The following TUSC3 variants were observed in gnomAD, a reference collection of about 807,000 sequenced individuals.
TUSC3 encodes the protein tumor suppressor candidate 3.
A neutral mutation model predicts 44.8 loss-of-function variants in TUSC3; 45 were observed. The ratio of observed to expected loss-of-function variants is 1.00; its 90% confidence interval spans 0.79 to 1.29. The LOEUF is 1.29. Among genes scored for constraint, TUSC3 ranks in the 50% most tolerant of loss-of-function variants. TUSC3 has a pLI of 0.00. For missense variants in TUSC3, 519 were observed against 437.9 expected (o/e 1.19, Z -1.65); for synonymous variants, 212 against 152.9 (o/e 1.39, Z -2.85).
chr8:15,790,534 A>C, the TUSC3 span, among the ~76,000 whole-genome samples: 5 of 152,010 alleles, frequency 3.3e-5, no homozygotes, highest in African/African-American at 1.2e-4. Flanking sequence ...GTCTTGTACT[A>C]ATGGGCATTG....
rs1219151280 is a variant in TUSC3, at chr8:15,540,350, G to A, written c.-81G>A. 4.3e-6 allele frequency: 6 copies of A among 1,397,432 alleles called. No homozygotes were observed. The Admixed American group carries it at 1.3e-4, about 29-fold the overall frequency. The allele number at this position is 1,397,432 out of a possible 1,614,324, so 86.6% of individuals were successfully genotyped here. A position where few individuals can be genotyped will look rare whatever the true frequency, so the allele number is the denominator to read the frequency against. On this transcript the variant is annotated 5_prime_UTR_variant, in exon 1 of 11. Transcript: ENST00000503731. ...AGGGCCCAGCCAGCGGGCTCCCGGAGGCTGGCCGGGCAGGCGTGGTGCGCG... is the reference window on the plus strand; with the variant it reads ...AGGGCCCAGCCAGCGGGCTCCCGGAAGCTGGCCGGGCAGGCGTGGTGCGCG...
chr8:15,612,937 A>G (rs1272952211), intron 1 of TUSC3, among the ~76,000 whole-genome samples: 1 of 152,006 alleles, frequency 6.6e-6, no homozygotes, highest in Non-Finnish European at 1.5e-5. Flanking sequence ...TAAAGGAGCC[A>G]CAATATCAGT....
rs552461359 is a variant in TUSC3, at chr8:15,584,833, T to C, written c.139-38247T>C. 5.3e-5 allele frequency among the ~76,000 whole-genome samples: 8 copies of C among 152,232 alleles called. No homozygotes were observed. The South Asian group carries it at 1.7e-3, about 32-fold the overall frequency. Reference sequence around the variant, plus strand: ...GTGGGATCTTTTATATGTACAGGGTTCTATTGGGATTTATGAAGTGAGTCT... The same window carrying C: ...GTGGGATCTTTTATATGTACAGGGTCCTATTGGGATTTATGAAGTGAGTCT... On this transcript the variant is annotated intron_variant, in intron 1 of 10. Coordinates refer to ENST00000503731, the MANE Select transcript of TUSC3 (RefSeq NM_006765.4).
intron 1 of TUSC3, among the ~76,000 whole-genome samples, chr8:15,457,843 A>G (rs992084696): frequency 2.5e-5 from 1 of 39,786 alleles, no homozygotes. Flanking sequence ...AAATTAGATT[A>G]ATTATCTAAT....
chr8:15,541,149 T>A (rs1585083410), intron 1 of TUSC3, among the ~76,000 whole-genome samples: 1 of 152,254 alleles, frequency 6.6e-6, no homozygotes, highest in Non-Finnish European at 1.5e-5. Context: ...TTACTTTACG[T>A]TGAACTCAGT....
the TUSC3 span, among the ~76,000 whole-genome samples, chr8:15,810,589 G>T: frequency 6.6e-6 from 1 of 152,020 alleles, no homozygotes; most frequent in Non-Finnish European, 1.5e-5. Context: ...AATGAGCCAT[G>T]ATGGCACTAC....
At chr8:15,735,191 G>A (rs1365949491) in intron 7 of TUSC3, among the ~76,000 whole-genome samples, 9 of 152,212 alleles carry the variant, frequency 5.9e-5, no homozygotes, top group African/African-American at 1.9e-4. Context: ...AGCAGGAGTC[G>A]CTGGCAGTCG....
intron 6 of TUSC3, among the ~76,000 whole-genome samples, chr8:15,699,034 GA>G (rs924274124): frequency 3.3e-5 from 5 of 151,960 alleles, no homozygotes; most frequent in Non-Finnish European, 7.4e-5. Flanking sequence ...TTTTTGTAGA[GA>G]CAGGGTCTTG....
At chr8:15,694,466 T>TTGGGGAAC (rs1809068829) in intron 6 of TUSC3, among the ~76,000 whole-genome samples, 2 of 148,612 alleles carry the variant, frequency 1.3e-5, no homozygotes, top group Non-Finnish European at 3.0e-5. Context: ...AAAAAGATTG[T>TTGGGGAAC]TGGGGAACTA....
intron 1 of TUSC3, among the ~76,000 whole-genome samples, chr8:15,450,006 C>T (rs554649440): frequency 6.6e-6 from 1 of 152,130 alleles, no homozygotes; most frequent in South Asian, 2.1e-4. Flanking sequence ...GGCTATCCCT[C>T]TAGGTTTTTC....
chr8:15,718,813 T>C (rs1810172190), intron 6 of TUSC3, among the ~76,000 whole-genome samples: 1 of 152,098 alleles, frequency 6.6e-6, no homozygotes, highest in Non-Finnish European at 1.5e-5. Flanking sequence ...TTACTGTGAA[T>C]TTGGACATTA....
rs145696038 is a variant in TUSC3, at chr8:15,679,770, A to G, written c.798+5934A>G. ...TCCATCTTGAGTTAATTTTGTATAT[A>G]TGGAAAGCTAGGGATCGAGTTTCAT... On this transcript the variant is annotated intron_variant, in intron 6 of 10. Coordinates refer to ENST00000503731, the MANE Select transcript of TUSC3 (RefSeq NM_006765.4). 3.9e-5 allele frequency among the ~76,000 whole-genome samples: 6 copies of G among 152,244 alleles called. No homozygotes were observed. In the South Asian group the frequency reaches 6.2e-4, roughly 16 times the overall value.
chr8:15,442,060 C>T (rs1185964697), intron 1 of TUSC3, among the ~76,000 whole-genome samples: 2 of 152,056 alleles, frequency 1.3e-5, no homozygotes, highest in African/African-American at 4.8e-5. Context: ...TTTTAAATGG[C>T]TTTCAGAAAA....
chr8:15,843,718 TG>T, the TUSC3 span, among the ~76,000 whole-genome samples: 51 of 151,656 alleles, frequency 3.4e-4, no homozygotes, highest in African/African-American at 1.2e-3. Flanking sequence ...AAGATGTATA[TG>T]TATGTGTGTG....
In TUSC3 at chr8:15,548,174, C is replaced by T. The variant is rs752719917; in HGVS notation, c.138+7606C>T. 1.3e-4 allele frequency among the ~76,000 whole-genome samples: 19 copies of T among 151,384 alleles called. 1 individual carries two copies. Among genetic ancestry groups the T allele is most frequent in the Admixed American group, 2.6e-4 (4 of 15,122 alleles). On this transcript the variant is annotated intron_variant, in intron 1 of 10. Transcript: ENST00000503731. ...TGGTAATTTGTTATAGCAGCCCAAA[C>T]GAACGAAGACAATTGTATATAATTT...
chr8:15,642,561 G>T (rs114308769), intron 2 of TUSC3, among the ~76,000 whole-genome samples: 1 of 152,036 alleles, frequency 6.6e-6, no homozygotes, highest in Non-Finnish European at 1.5e-5. Context: ...TTACAATAAA[G>T]GTCTTTAAAG....
chr8:15,503,229 G>T (rs936688966), intron 2 of TUSC3, among the ~76,000 whole-genome samples: 28 of 152,190 alleles, frequency 1.8e-4, no homozygotes, highest in African/African-American at 6.0e-4. Context: ...AGGAAAGACA[G>T]TGGGAAGACA....
At chr8:15,547,526 A>C (rs2129135120) in intron 1 of TUSC3, among the ~76,000 whole-genome samples, 1 of 151,882 alleles carries the variant, frequency 6.6e-6, no homozygotes, top group Admixed American at 6.6e-5. Flanking sequence ...AAATTATATC[A>C]GGAAAATAAA....
chr8:15,836,407 G>A, the TUSC3 span, among the ~76,000 whole-genome samples: 2 of 151,392 alleles, frequency 1.3e-5, no homozygotes, highest in South Asian at 2.1e-4. Context: ...AATCTGGGAG[G>A]TGGAGGTTGC....
Sources: allele counts gnomAD v4.1 joint callset (sites outside exome capture counted in the v4.1 genomes callset), GRCh38; gene constraint gnomAD v4.1.1; transcripts MANE v1.5; gene names NCBI Gene and HGNC (gene_info 2026-07-23, HGNC 2026-07-21).